APP: variants seen among roughly 807,000 people sequenced by gnomAD.
APP encodes amyloid-beta precursor protein.
A neutral mutation model predicts 101.4 loss-of-function variants in APP; 31 were observed. The observed-to-expected ratio is 0.31, with a 90% CI of 0.23 to 0.41. APP has a LOEUF of 0.41. Ranked by LOEUF, APP falls within the 10% of genes least tolerant of loss-of-function variation. APP has a pLI of 1.00. For missense variants in APP, 839 were observed against 1,003.7 expected, an observed-to-expected ratio of 0.84 and a Z score of 2.22; for synonymous variants, 366 against 364.4, an observed-to-expected ratio of 1.00 and a Z score of -0.05.
intron 8 of APP, among the ~76,000 whole-genome samples, chr21:25,994,925 C>T (rs974126294): frequency 2.0e-5 from 3 of 152,160 alleles, no homozygotes; most frequent in Non-Finnish European, 2.9e-5. Context: ...ACTAGCACTG[C>T]AAAACCCTTC....
chr21:25,965,509 C>G (rs1292733311), intron 11 of APP, among the ~76,000 whole-genome samples: 1 of 152,174 alleles, frequency 6.6e-6, no homozygotes, highest in African/African-American at 2.4e-5. Flanking sequence ...CATACCTAGG[C>G]AGTGTTATGA....
chr21:26,075,443 A>G (rs970280380), intron 3 of APP, among the ~76,000 whole-genome samples: 1 of 152,202 alleles, frequency 6.6e-6, no homozygotes, highest in Non-Finnish European at 1.5e-5. Context: ...CTATTACCCT[A>G]CAAGTTTGCT....
rs139166626 is a variant in APP at position 26,026,895 on chromosome 21, C to T, written c.663-4853G>A. 1.4e-3 allele frequency among the ~76,000 whole-genome samples: 213 copies of T among 152,234 alleles called. 1 individual carries two copies. The highest frequency in any genetic ancestry group is 5.2e-3 in the East Asian group (27 of 5,184). On this transcript the variant is annotated intron_variant, in intron 5 of 17. Coordinates refer to ENST00000346798, the MANE Select transcript of APP (RefSeq NM_000484.4). ...TGTAGGTTCACTGATTGTAACAAAT[C>T]GCTCTAAGGGGGACGCTGATAATGG...
intron 16 of APP, among the ~76,000 whole-genome samples, chr21:25,895,953 T>C (rs2146256678): frequency 6.6e-6 from 1 of 152,356 alleles, no homozygotes; most frequent in Non-Finnish European, 1.5e-5. Flanking sequence ...TTCTCCTAAT[T>C]GCTGCCGCTG....
chr21:26,051,913 GT>G (rs1360903080), intron 4 of APP, among the ~76,000 whole-genome samples: 1 of 152,132 alleles, frequency 6.6e-6, no homozygotes, highest in Non-Finnish European at 1.5e-5. Context: ...AGTCATTTCC[GT>G]TTCTTAGAGA....
chr21:26,050,464 T>C (rs2045790504), intron 5 of APP, among the ~76,000 whole-genome samples: 1 of 152,264 alleles, frequency 6.6e-6, no homozygotes, highest in East Asian at 1.9e-4. Flanking sequence ...AATAGGTTTC[T>C]TTACAATCAA....
Position 25,897,692 on chromosome 21 carries a change from A to T in APP, c.1964-19T>A. ...CCAGAACCTGTATTACATCATAATT[A>T]AAGTATGCAGGACAACCAATTAGTT... On this transcript the variant is annotated intron_variant, in intron 15 of 17. Coordinates refer to ENST00000346798, the MANE Select transcript of APP (RefSeq NM_000484.4). 1.3e-6 allele frequency: 2 copies of T among 1,586,578 alleles called. No individual in the cohort carries two copies. The highest frequency in any genetic ancestry group is 1.7e-6 in the Non-Finnish European group (2 of 1,155,118).
chr21:25,927,613 GT>G (rs2039955915), intron 13 of APP, among the ~76,000 whole-genome samples: 1 of 152,078 alleles, frequency 6.6e-6, no homozygotes, highest in South Asian at 2.1e-4. Flanking sequence ...GTTTATTTTT[GT>G]TTAAAAATAA....
In APP at chr21:26,170,651, G is replaced by T; in HGVS notation, c.-31C>A. 6.5e-7 allele frequency: 1 copy of T among 1,528,028 alleles called. No individual in the cohort carries two copies. 94.7% of individuals were successfully genotyped at this position (1,528,028 alleles called of 1,614,324 possible). On this transcript the variant is annotated 5_prime_UTR_variant, in exon 1 of 18. Transcript: ENST00000346798. ...CCCTGCGCGGGGCACCGAGTGCGCT[G>T]CTGTGCGAGTGGGATCCGCCGCGTC...
At chr21:25,887,919 G>A (rs974254634) in intron 17 of APP, among the ~76,000 whole-genome samples, 12 of 152,230 alleles carry the variant, frequency 7.9e-5, no homozygotes, top group Admixed American at 7.2e-4. Context: ...GTGTGAAGTG[G>A]TATGTGACTG....
chr21:25,976,886 A>T (rs1568795429), intron 9 of APP, among the ~76,000 whole-genome samples: 2 of 152,028 alleles, frequency 1.3e-5, no homozygotes, highest in Non-Finnish European at 2.9e-5. Flanking sequence ...TTATTGTGAG[A>T]AGTGGGTTGT....
intron 5 of APP, among the ~76,000 whole-genome samples, chr21:26,038,979 C>T (rs1237081485): frequency 1.3e-5 from 2 of 152,132 alleles, no homozygotes; most frequent in Non-Finnish European, 2.9e-5. Context: ...GGGTAAAGCA[C>T]ATTTTAAACC....
At chr21:26,138,244 A>G (rs1050211905) in intron 1 of APP, among the ~76,000 whole-genome samples, 1 of 152,152 alleles carries the variant, frequency 6.6e-6, no homozygotes, top group Non-Finnish European at 1.5e-5. Flanking sequence ...AGAACAGCAA[A>G]ATGTGGTCAA....
chr21:26,102,929 C>T (rs966775770), intron 2 of APP, among the ~76,000 whole-genome samples: 10 of 145,620 alleles, frequency 6.9e-5, no homozygotes, highest in Middle Eastern at 3.6e-3. Context: ...GAATAATTGA[C>T]GTAGTTGTAT....
chr21:25,935,858 A>AAC lies in APP; in HGVS notation c.1687+18731_1687+18732insGT, dbSNP rs1293267243. ...CTGTCTCAAAAAAAAAAAAAAAAAA[A>AAC]AAACCTGTCAAATCCCTCCATACAA... On this transcript the variant is annotated intron_variant, in intron 13 of 17. Coordinates refer to ENST00000346798, the MANE Select transcript of APP (RefSeq NM_000484.4). 5.5e-3 allele frequency among the ~76,000 whole-genome samples: 833 copies of AAC among 150,114 alleles called. 10 individuals carry two copies. Among genetic ancestry groups the AAC allele is most frequent in the African/African-American group, 0.02 (791 of 40,126 alleles).
At chr21:26,046,153 T>A (rs2045599562) in intron 5 of APP, among the ~76,000 whole-genome samples, 2 of 150,558 alleles carry the variant, frequency 1.3e-5, no homozygotes, top group Non-Finnish European at 3.0e-5. Flanking sequence ...CAAGAAGAGA[T>A]CTGGGTGGGA....
At chr21:25,967,819 T>C (rs556209357) in intron 11 of APP, among the ~76,000 whole-genome samples, 2 of 152,330 alleles carry the variant, frequency 1.3e-5, no homozygotes, top group East Asian at 3.9e-4. Context: ...TGCATGACTG[T>C]AGAGGGCAGG....
chr21:25,916,805 A>T (rs2039372249), intron 13 of APP, among the ~76,000 whole-genome samples: 1 of 152,216 alleles, frequency 6.6e-6, no homozygotes, highest in Non-Finnish European at 1.5e-5. Context: ...TTTGAAGTCA[A>T]ATATCTTCTA....
intron 17 of APP, among the ~76,000 whole-genome samples, chr21:25,887,132 C>G (rs1204575479): frequency 6.6e-6 from 1 of 152,128 alleles, no homozygotes; most frequent in Non-Finnish European, 1.5e-5. Context: ...CCCAACTTCT[C>G]CTTATTAAAG....
Sources: gnomAD v4.1 joint callset for allele counts (sites outside exome capture counted in the v4.1 genomes callset) on GRCh38, gnomAD v4.1.1 for gene constraint, MANE v1.5 for transcripts, NCBI Gene and HGNC (gene_info 2026-07-23, HGNC 2026-07-21) for gene names.